CACNA2D1: variants seen among roughly 807,000 people sequenced by gnomAD.
CACNA2D1 encodes voltage-dependent calcium channel subunit alpha-2/delta-1.
In CACNA2D1, 53 loss-of-function variants were observed where a neutral mutation model predicts 171.5. The observed-to-expected ratio is 0.31, with a 90% CI of 0.25 to 0.39. CACNA2D1 has a LOEUF of 0.39. Among genes scored for constraint, CACNA2D1 ranks in the 10% least tolerant of loss-of-function variants. The pLI is 1.00. For missense variants in CACNA2D1, 903 were observed against 1,299.8 expected, an observed-to-expected ratio of 0.69 and a Z score of 4.69; for synonymous variants, 442 against 443.1, an observed-to-expected ratio of 1.00 and a Z score of 0.03.
rs774805421 is a variant in CACNA2D1, at chr7:81,951,969, G to GTTTT, written c.3160-1465_3160-1462dup. On this transcript the variant is annotated intron_variant, in intron 38 of 38. Transcript: ENST00000356860. Reference sequence around the variant, plus strand: ...CATTCCCACCAGCAGTGTACAAAGTGTTTTTTTTTTTTTTTTTTTTTTAAC... The same window carrying GTTTT: ...CATTCCCACCAGCAGTGTACAAAGTGTTTTTTTTTTTTTTTTTTTTTTTTTTAAC... 1.6e-3 allele frequency among the ~76,000 whole-genome samples: 112 copies of GTTTT among 71,872 alleles called. 3 individuals are homozygous for GTTTT. Among genetic ancestry groups the GTTTT allele is most frequent in the African/African-American group, 5.3e-3 (87 of 16,480 alleles). 47.2% of individuals were successfully genotyped at this position (71,872 alleles called of 152,430 possible). A position where few individuals can be genotyped will look rare whatever the true frequency, so the allele number is the denominator to read the frequency against.
chr7:82,135,782 G>A (rs1304999904), intron 5 of CACNA2D1, among the ~76,000 whole-genome samples: 9 of 151,788 alleles, frequency 5.9e-5, no homozygotes, highest in African/African-American at 1.2e-4. Flanking sequence ...ATTTTGATTC[G>A]GATGAGAAAT....
intron 3 of CACNA2D1, among the ~76,000 whole-genome samples, chr7:82,200,315 A>G (rs1020344674): frequency 6.6e-6 from 1 of 152,114 alleles, no homozygotes; most frequent in Non-Finnish European, 1.5e-5. Flanking sequence ...ACATATTTAT[A>G]AAATGTATAC....
intron 1 of CACNA2D1, among the ~76,000 whole-genome samples, chr7:82,382,336 T>C (rs1242253451): frequency 6.6e-6 from 1 of 152,252 alleles, no homozygotes; most frequent in East Asian, 1.9e-4. Context: ...TGGAGTTCTC[T>C]GTCAAGTGGG....
intron 1 of CACNA2D1, among the ~76,000 whole-genome samples, chr7:82,386,274 T>C (rs891231059): frequency 4.6e-5 from 7 of 152,196 alleles, no homozygotes; most frequent in African/African-American, 9.7e-5. Context: ...ACTCTTACTT[T>C]GAGCTGCATT....
chr7:82,330,095 ATCAAAG>A (rs1817136091), intron 3 of CACNA2D1, among the ~76,000 whole-genome samples: 1 of 151,988 alleles, frequency 6.6e-6, no homozygotes, highest in Non-Finnish European at 1.5e-5. Flanking sequence ...CAAAATTGCT[ATCAAAG>A]AGATAGCAAC....
At chr7:81,989,399 C>T (rs1241262020) in intron 21 of CACNA2D1, among the ~76,000 whole-genome samples, 1 of 152,094 alleles carries the variant, frequency 6.6e-6, no homozygotes, top group Non-Finnish European at 1.5e-5. Flanking sequence ...ACAGAAATAA[C>T]GATAGACGAT....
At chr7:82,086,940 A>C (rs1243043537) in intron 6 of CACNA2D1, among the ~76,000 whole-genome samples, 1 of 152,244 alleles carries the variant, frequency 6.6e-6, no homozygotes, top group Admixed American at 6.5e-5. Context: ...TCCTGGCAAT[A>C]TGTTTTAAGA....
rs895272151 is a variant in CACNA2D1 at position 81,948,731 on chromosome 7, A to C, written c.*1661T>G. The C allele has an allele frequency of 1.1e-4, 16 of 151,966 alleles. No homozygotes were observed. The highest frequency in any genetic ancestry group is 3.9e-4 in the African/African-American group (16 of 41,434). The allele number at this position is 151,966 out of a possible 1,614,324, so 9.4% of individuals were successfully genotyped here. ...TCCAAAAAAAGAAAAACTGCATTTT[A>C]TCATAAAAAATATCTACATACGTTC... On this transcript the variant is annotated 3_prime_UTR_variant, in exon 39 of 39. Coordinates refer to ENST00000356860, the MANE Select transcript of CACNA2D1 (RefSeq NM_000722.4).
chr7:82,387,130 T>C (rs1476226505), intron 1 of CACNA2D1, among the ~76,000 whole-genome samples: 1 of 152,184 alleles, frequency 6.6e-6, no homozygotes, highest in Non-Finnish European at 1.5e-5. Flanking sequence ...ATATGTCTTT[T>C]ATAAATCATT....
intron 31 of CACNA2D1, 100 bp downstream of exon 31, chr7:81,967,069 T>G: frequency 2.5e-6 from 2 of 799,748 alleles, no homozygotes; most frequent in South Asian, 3.3e-5. Context: ...TTTTAGCCTT[T>G]GATTAAAAAA....
chr7:82,292,210 A>G (rs1811732799), intron 3 of CACNA2D1, among the ~76,000 whole-genome samples: 1 of 152,176 alleles, frequency 6.6e-6, no homozygotes, highest in South Asian at 2.1e-4. Flanking sequence ...CTCTAAAGGA[A>G]AACTTAGTCA....
intron 1 of CACNA2D1, among the ~76,000 whole-genome samples, chr7:82,372,264 A>G (rs1053855563): frequency 8.5e-5 from 13 of 152,182 alleles, no homozygotes; most frequent in Non-Finnish European, 1.8e-4. Flanking sequence ...ATGCTCAACT[A>G]CAAGCTTAAT....
At chr7:82,313,369 A>G (rs1585447254) in intron 3 of CACNA2D1, among the ~76,000 whole-genome samples, 1 of 152,332 alleles carries the variant, frequency 6.6e-6, no homozygotes, top group African/African-American at 2.4e-5. Context: ...GCTGCCTTTC[A>G]TTAAGATTTG....
At chr7:82,094,976 T>A (rs930663435) in intron 6 of CACNA2D1, among the ~76,000 whole-genome samples, 1 of 152,050 alleles carries the variant, frequency 6.6e-6, no homozygotes, top group African/African-American at 2.4e-5. Context: ...GCAAATGTCT[T>A]CCCTAATTAA....
intron 3 of CACNA2D1, among the ~76,000 whole-genome samples, chr7:82,291,481 A>C (rs1178327459): frequency 7.4e-6 from 1 of 134,476 alleles, no homozygotes; most frequent in African/African-American, 2.7e-5. Flanking sequence ...ATATAAAAAT[A>C]TATTATATAT....
chr7:82,178,756 T>C (rs939617943), intron 3 of CACNA2D1, among the ~76,000 whole-genome samples: 1 of 152,158 alleles, frequency 6.6e-6, no homozygotes. Context: ...TGCCCTTCAC[T>C]AGTTCTATAA....
chr7:82,298,450 G>A (rs1228247390), intron 3 of CACNA2D1, among the ~76,000 whole-genome samples: 3 of 152,000 alleles, frequency 2.0e-5, no homozygotes, highest in Admixed American at 6.5e-5. Context: ...CTGAATGACC[G>A]TATTTACTCT....
At chr7:82,318,726 A>C (rs1815417583) in intron 3 of CACNA2D1, among the ~76,000 whole-genome samples, 1 of 152,206 alleles carries the variant, frequency 6.6e-6, no homozygotes, top group South Asian at 2.1e-4. Flanking sequence ...ATTTAGAAAC[A>C]AAAATGCCAA....
chr7:82,283,513 T>C (rs1457905988), intron 3 of CACNA2D1, among the ~76,000 whole-genome samples: 1 of 152,184 alleles, frequency 6.6e-6, no homozygotes, highest in Non-Finnish European at 1.5e-5. Flanking sequence ...AGCAATTTCA[T>C]ATGGAGATTA....
Sources: gnomAD v4.1 joint callset for allele counts (sites outside exome capture counted in the v4.1 genomes callset) on GRCh38, gnomAD v4.1.1 for gene constraint, MANE v1.5 for transcripts, NCBI Gene and HGNC (gene_info 2026-07-23, HGNC 2026-07-21) for gene names.